Variants in WAPL observed in about 807,000 individuals in gnomAD.
The protein encoded by WAPL is WAPL cohesin release factor.
Under a neutral mutation model 121.0 loss-of-function variants are expected in WAPL, and 5 were observed. The observed-to-expected ratio is 0.04, with a 90% confidence interval of 0.02 to 0.09. WAPL has a LOEUF of 0.09. Ranked by LOEUF, WAPL falls within the 10% of genes least tolerant of loss-of-function variation. WAPL has a pLI of 1.00. For missense variants in WAPL, 999 were observed against 1,410.8 expected (o/e 0.71, Z 4.68); for synonymous variants, 480 against 481.5 (o/e 1.00, Z 0.04).
intron 12 of WAPL, among the ~76,000 whole-genome samples, chr10:86,455,206 A>ACTC (rs1393158547): frequency 1.3e-5 from 2 of 152,344 alleles, no homozygotes; most frequent in East Asian, 3.9e-4. Flanking sequence ...GCTCACTGAG[A>ACTC]ACGGGCCATG....
chr10:86,436,799 T>C lies in WAPL; in HGVS notation c.*744A>G, dbSNP rs1258956454. 1 of 152,676 alleles carries C rather than the reference T, an allele frequency of 6.5e-6. No individual in the cohort carries two copies. Among genetic ancestry groups the C allele is most frequent in the East Asian group, 1.9e-4 (1 of 5,200 alleles). 9.5% of individuals were successfully genotyped at this position (152,676 alleles called of 1,614,324 possible). A position where few individuals can be genotyped will look rare whatever the true frequency, so the allele number is the denominator to read the frequency against. On this transcript the variant is annotated 3_prime_UTR_variant, in exon 19 of 19. Transcript: ENST00000298767. ...TTTTAACAGGGCACATCATCTTATA[T>C]AATATTCTCTCAAACTGTTGTTTTT... is the stretch of plus-strand genomic sequence containing the variant.
chr10:86,468,429 G>A (rs781247926), intron 8 of WAPL, among the ~76,000 whole-genome samples: 13 of 151,080 alleles, frequency 8.6e-5, no homozygotes, highest in Non-Finnish European at 1.5e-4. Context: ...AACACCTGAG[G>A]CCAAATGATC....
rs1480068739 is a variant in WAPL at position 86,435,550 on chromosome 10, A to T, written c.*1993T>A. 1 of 152,626 alleles carries T rather than the reference A, an allele frequency of 6.6e-6. No homozygotes were observed. 9.5% of individuals were successfully genotyped at this position (152,626 alleles called of 1,614,324 possible). On this transcript the variant is annotated 3_prime_UTR_variant, in exon 19 of 19. Coordinates refer to ENST00000298767, the MANE Select transcript of WAPL (RefSeq NM_015045.5). ...AAATGCAGAGTTCTCTGAGGGTTAA[A>T]AACACACAAATGCACTGCAGTTGGT...
At position 86,467,633 on chromosome 10, in the gene WAPL, T is replaced by G. The variant is rs1310211089; in HGVS notation, c.2143-127A>C. The G allele has an allele frequency of 7.0e-6, 5 of 717,610 alleles. No individual in the cohort carries two copies. In the East Asian group the frequency reaches 1.5e-4, roughly 21 times the overall value. The allele number at this position is 717,610 out of a possible 1,614,324, so 44.5% of individuals were successfully genotyped here. On this transcript the variant is annotated intron_variant, in intron 8 of 18. Coordinates refer to ENST00000298767, the MANE Select transcript of WAPL (RefSeq NM_015045.5). ...CTTAAAACTTATATTACTAACCATG[T>G]TGGAAACTTCAAAAACGTTTTATTC...
chr10:86,438,515 A>G (rs962363099), intron 17 of WAPL, among the ~76,000 whole-genome samples: 3 of 152,230 alleles, frequency 2.0e-5, no homozygotes, highest in African/African-American at 7.2e-5. Flanking sequence ...TGGCCTCCCA[A>G]AGTGCTGGAA....
At chr10:86,516,877 G>A (rs1589545183) in intron 2 of WAPL, among the ~76,000 whole-genome samples, 1 of 152,252 alleles carries the variant, frequency 6.6e-6, no homozygotes, top group East Asian at 1.9e-4. Flanking sequence ...GAGGTCAGGA[G>A]ATGGAGACCA....
Position 86,437,217 on chromosome 10 carries a change from TC to T in WAPL, c.*325del. 4.3e-6 allele frequency: 1 copy of T among 230,192 alleles called. No individual in the cohort carries two copies. The highest frequency in any genetic ancestry group is 8.4e-6 in the Non-Finnish European group (1 of 118,528). 14.3% of individuals were successfully genotyped at this position (230,192 alleles called of 1,614,324 possible). A position where few individuals can be genotyped will look rare whatever the true frequency, so the allele number is the denominator to read the frequency against. On this transcript the variant is annotated 3_prime_UTR_variant, in exon 19 of 19. Transcript: ENST00000298767. ...GTTGCACTAACAGCAGCACAAATTTTCCCCTTCAAACTTGCCCAGAATAAAG... is the reference window on the plus strand; with the variant it reads ...GTTGCACTAACAGCAGCACAAATTTTCCCTTCAAACTTGCCCAGAATAAAG...
chr10:86,476,802 G>A (rs77910084), intron 4 of WAPL, among the ~76,000 whole-genome samples: 99 of 152,016 alleles, frequency 6.5e-4, no homozygotes, highest in African/African-American at 2.3e-3. Flanking sequence ...GAAATATATA[G>A]CCTACCTACC....
intron 18 of WAPL, 150 bp from the exon 19 acceptor site, chr10:86,437,758 T>C (rs1849360682): frequency 1.9e-5 from 19 of 1,010,356 alleles, no homozygotes; most frequent in Non-Finnish European, 2.7e-5. Context: ...TAAAGTTATT[T>C]GCCATAACAT....
chr10:86,469,275 C>G (rs1184942), intron 8 of WAPL, among the ~76,000 whole-genome samples: 109,143 of 113,650 alleles, frequency 0.96, 52,476 homozygotes, highest in East Asian at 0.99. Context: ...TTTTTTGAGA[C>G]GGAGTCTCGC....
intron 9 of WAPL, among the ~76,000 whole-genome samples, chr10:86,465,604 T>G (rs1841379582): frequency 6.6e-6 from 1 of 152,226 alleles, no homozygotes; most frequent in African/African-American, 2.4e-5. Flanking sequence ...TATCCTGCCC[T>G]TATGTCAAAC....
At chr10:86,498,822 T>C (rs1168099043) in intron 3 of WAPL, among the ~76,000 whole-genome samples, 1 of 152,186 alleles carries the variant, frequency 6.6e-6, no homozygotes, top group Non-Finnish European at 1.5e-5. Context: ...TGAGGACCCT[T>C]AGTCACTACT....
intron 7 of WAPL, among the ~76,000 whole-genome samples, chr10:86,471,499 A>G (rs1239048402): frequency 6.6e-6 from 1 of 152,228 alleles, no homozygotes; most frequent in Non-Finnish European, 1.5e-5. Context: ...TCCATTAGGA[A>G]ATACAAAAGA....
chr10:86,487,081 G>C (rs1337598183), intron 4 of WAPL, among the ~76,000 whole-genome samples: 1 of 151,990 alleles, frequency 6.6e-6, no homozygotes, highest in Non-Finnish European at 1.5e-5. Context: ...CAACATCCCA[G>C]GTAAAACACA....
intron 4 of WAPL, among the ~76,000 whole-genome samples, chr10:86,483,300 A>AGGAGCC (rs1841836886): frequency 6.6e-6 from 1 of 152,052 alleles, no homozygotes; most frequent in Non-Finnish European, 1.5e-5. Flanking sequence ...CATGCCTGTA[A>AGGAGCC]TCCCAGGTAC....
At position 86,500,332 on chromosome 10, in the gene WAPL, G is replaced by C; in HGVS notation, c.911C>G (p.Ser304Cys). The C allele has an allele frequency of 6.2e-7, 1 of 1,614,182 alleles. No individual in the cohort carries two copies. Among genetic ancestry groups the C allele is most frequent in the Non-Finnish European group, 8.5e-7 (1 of 1,180,032 alleles). Residue 304 changes from serine (S) to cysteine (C), a missense_variant, in exon 3 of 19, where the codon TCC becomes TGC. Ser to Cys is a moderately radical substitution (Grantham distance 112). Coordinates refer to ENST00000298767, the MANE Select transcript of WAPL (RefSeq NM_015045.5). Reference sequence around the variant, plus strand: ...ATCAAAATTTGATGCTCCTTGGGAGGATTTCGTTTTATTGGCCCTACAGTA... The same window carrying C: ...ATCAAAATTTGATGCTCCTTGGGAGCATTTCGTTTTATTGGCCCTACAGTA... ...RTYCRANKTK[S>C]SQGASNFDKL...
chr10:86,443,324 A>G lies in WAPL; in HGVS notation c.3362T>C (p.Val1121Ala), dbSNP rs779088020. 6.2e-7 allele frequency: 1 copy of G among 1,614,124 alleles called. No individual in the cohort carries two copies. The highest frequency in any genetic ancestry group is 8.5e-7 in the Non-Finnish European group (1 of 1,179,976). The change falls in exon 17 of 19, where the codon GTG (valine) becomes GCG (alanine). Residue 1121 changes from valine (V) to alanine (A), a missense_variant. Physicochemically the swap from Val to Ala is moderately conservative, Grantham distance 64. This residue lies in a region of WAPL where 126 missense variants were observed against 144.0 expected (regional missense o/e 0.87). Coordinates refer to ENST00000298767, the MANE Select transcript of WAPL (RefSeq NM_015045.5). ...HAGKHMEDCI[V>A]ASYTALLLGC... ...AAGAAGTAGTGCTGTGTAGGAGGCCACAATGCAATCCTCCATGTGTTTGCC... is the reference window on the plus strand; with the variant it reads ...AAGAAGTAGTGCTGTGTAGGAGGCCGCAATGCAATCCTCCATGTGTTTGCC...
At position 86,435,913 on chromosome 10, in the gene WAPL, GT is replaced by G. The variant is rs1462759080; in HGVS notation, c.*1629del. The G allele has an allele frequency of 8.5e-5, 13 of 152,132 alleles. No individual in the cohort carries two copies. The highest frequency in any genetic ancestry group is 5.9e-5 in the Non-Finnish European group (4 of 68,026). 9.4% of individuals were successfully genotyped at this position (152,132 alleles called of 1,614,324 possible). ...TTTTACGGGTATCATTTACCAATAT[GT>G]TTTTAAAAGTATTTTGCTAAGCTAG... On this transcript the variant is annotated 3_prime_UTR_variant, in exon 19 of 19. Transcript: ENST00000298767.
At chr10:86,501,479 T>G (rs533236447) in intron 2 of WAPL, among the ~76,000 whole-genome samples, 1 of 152,312 alleles carries the variant, frequency 6.6e-6, no homozygotes, top group East Asian at 1.9e-4. Flanking sequence ...TTCCAACTGG[T>G]ATTATTAATT....
Sources: allele counts gnomAD v4.1 joint callset (sites outside exome capture counted in the v4.1 genomes callset), GRCh38; gene constraint gnomAD v4.1.1; regional missense constraint gnomAD v4.1.1; transcripts MANE v1.5; gene names NCBI Gene and HGNC (gene_info 2026-07-23, HGNC 2026-07-21).